ZNF804B: variants seen among roughly 807,000 people sequenced by gnomAD.
The protein encoded by ZNF804B is zinc finger protein 804B.
Under a neutral mutation model 101.4 loss-of-function variants are expected in ZNF804B, and 80 were observed. That is an observed-to-expected ratio of 0.79 (90% CI 0.66 to 0.95). The LOEUF is 0.95. Among genes scored for constraint, ZNF804B ranks in the 40% least tolerant of loss-of-function variants. The pLI is 0.00. For synonymous variants in ZNF804B, 622 were observed against 558.8 expected, an observed-to-expected ratio of 1.11 and a Z score of -1.59; for missense variants, 1,673 against 1,561.9, an observed-to-expected ratio of 1.07 and a Z score of -1.20.
At chr7:89,298,325 G>A (rs1790421994) in intron 2 of ZNF804B, among the ~76,000 whole-genome samples, 1 of 141,330 alleles carries the variant, frequency 7.1e-6, no homozygotes, top group Non-Finnish European at 1.5e-5. Context: ...GTGCCATGGT[G>A]GTTTGCTGCA....
intron 1 of ZNF804B, among the ~76,000 whole-genome samples, chr7:88,771,974 A>G (rs1223070885): frequency 6.6e-6 from 1 of 152,156 alleles, no homozygotes; most frequent in Non-Finnish European, 1.5e-5. Context: ...CTTTACTACA[A>G]AAGTTGTTAT....
chr7:89,184,174 T>C (rs901913905), intron 1 of ZNF804B, among the ~76,000 whole-genome samples: 10 of 152,180 alleles, frequency 6.6e-5, no homozygotes, highest in African/African-American at 2.4e-4. Flanking sequence ...TGGAGTACTA[T>C]GGACAAACTT....
intron 2 of ZNF804B, among the ~76,000 whole-genome samples, chr7:89,220,161 A>ATATC (rs1491393118): frequency 6.9e-5 from 5 of 72,682 alleles, no homozygotes; most frequent in South Asian, 3.6e-4. Flanking sequence ...ATATATATAT[A>ATATC]CGCACATATA....
At chr7:89,152,538 G>A (rs1031379019) in intron 1 of ZNF804B, among the ~76,000 whole-genome samples, 1 of 151,770 alleles carries the variant, frequency 6.6e-6, no homozygotes, top group African/African-American at 2.4e-5. Flanking sequence ...TGCAGAAAGA[G>A]GTGTCTAAAT....
chr7:89,057,033 T>C (rs1027070164), intron 1 of ZNF804B, among the ~76,000 whole-genome samples: 4 of 152,176 alleles, frequency 2.6e-5, no homozygotes, highest in African/African-American at 9.6e-5. Flanking sequence ...TGTATTTTCA[T>C]GCTGGTCCCA....
At chr7:89,088,648 C>G (rs919029809) in intron 1 of ZNF804B, among the ~76,000 whole-genome samples, 1 of 146,328 alleles carries the variant, frequency 6.8e-6, no homozygotes, top group African/African-American at 2.6e-5. Flanking sequence ...AGATAAGAGT[C>G]ACAGCTGCTG....
At chr7:89,262,929 C>G (rs548522271) in intron 2 of ZNF804B, among the ~76,000 whole-genome samples, 6 of 152,260 alleles carry the variant, frequency 3.9e-5, no homozygotes, top group African/African-American at 1.4e-4. Flanking sequence ...CTGTAAGTGT[C>G]TCTGTCATGG....
chr7:88,961,486 C>T (rs1793384944), intron 1 of ZNF804B, among the ~76,000 whole-genome samples: 1 of 151,450 alleles, frequency 6.6e-6, no homozygotes, highest in Non-Finnish European at 1.5e-5. Flanking sequence ...AGTATTTTTT[C>T]TGCATGACTA....
rs926100021 is a variant in ZNF804B at position 89,295,578 on chromosome 7, T to A, written c.250-31766T>A. Reference sequence around the variant, plus strand: ...ACTCTTTTGTGTTTGTTTTTCACAGTTATCAATAATTTATATTTTATAAAT... The same window carrying A: ...ACTCTTTTGTGTTTGTTTTTCACAGATATCAATAATTTATATTTTATAAAT... On this transcript the variant is annotated intron_variant, in intron 2 of 3. Transcript: ENST00000333190. Among the ~76,000 whole-genome samples the A allele has an allele frequency of 2.6e-5, 4 of 152,292 alleles. No individual in the cohort carries two copies. The East Asian group carries it at 7.7e-4, about 29-fold the overall frequency.
chr7:89,169,693 A>G (rs879733534), intron 1 of ZNF804B, among the ~76,000 whole-genome samples: 2 of 152,236 alleles, frequency 1.3e-5, no homozygotes, highest in African/African-American at 2.4e-5. Flanking sequence ...CCTAGTTTTC[A>G]TAGAAATAGC....
At chr7:89,047,043 C>A (rs905885945) in intron 1 of ZNF804B, among the ~76,000 whole-genome samples, 3 of 152,012 alleles carry the variant, frequency 2.0e-5, no homozygotes, top group Middle Eastern at 3.2e-3. Context: ...TCATAAATAG[C>A]TGAATTTATC....
At chr7:88,909,021 T>G (rs1246871244) in intron 1 of ZNF804B, among the ~76,000 whole-genome samples, 1 of 151,836 alleles carries the variant, frequency 6.6e-6, no homozygotes, top group Non-Finnish European at 1.5e-5. Flanking sequence ...CTGAAAAAGC[T>G]TACTACTTAC....
intron 2 of ZNF804B, among the ~76,000 whole-genome samples, chr7:89,274,304 T>TC (rs1300876557): frequency 0.029 from 2,011 of 70,090 alleles, 103 homozygotes; most frequent in African/African-American, 0.11. Flanking sequence ...GTGCTATCCC[T>TC]CCCCCCTCCC....
chr7:89,034,821 G>T (rs1420993327), intron 1 of ZNF804B, among the ~76,000 whole-genome samples: 1 of 152,122 alleles, frequency 6.6e-6, no homozygotes, highest in Non-Finnish European at 1.5e-5. Flanking sequence ...TTGAGGAATT[G>T]CCAGACTGTC....
intron 1 of ZNF804B, among the ~76,000 whole-genome samples, chr7:89,021,254 T>C (rs1788662583): frequency 6.6e-6 from 1 of 152,180 alleles, no homozygotes; most frequent in Admixed American, 6.6e-5. Flanking sequence ...TTCAAATGTC[T>C]CAGTGGCCTG....
At chr7:88,918,726 A>G (rs367634025) in intron 1 of ZNF804B, among the ~76,000 whole-genome samples, 1 of 152,106 alleles carries the variant, frequency 6.6e-6, no homozygotes, top group South Asian at 2.1e-4. Flanking sequence ...TTTCAGTTAA[A>G]TACTCCCTGG....
chr7:89,072,620 A>G (rs897788079), intron 1 of ZNF804B, among the ~76,000 whole-genome samples: 1 of 152,124 alleles, frequency 6.6e-6, no homozygotes, highest in African/African-American at 2.4e-5. Context: ...GTATGAATAA[A>G]TATTCTATGC....
intron 1 of ZNF804B, among the ~76,000 whole-genome samples, chr7:89,031,199 A>ATGTG (rs34754545): frequency 6.0e-5 from 9 of 149,646 alleles, no homozygotes; most frequent in Non-Finnish European, 8.9e-5. Context: ...ATATATATAT[A>ATGTG]TGTGTGTGTG....
chr7:89,131,726 T>G (rs1390040478), intron 1 of ZNF804B, among the ~76,000 whole-genome samples: 2 of 151,990 alleles, frequency 1.3e-5, no homozygotes, highest in South Asian at 2.1e-4. Flanking sequence ...TAAATAAAAA[T>G]AGACATAACT....
Sources: allele counts gnomAD v4.1 joint callset (sites outside exome capture counted in the v4.1 genomes callset), GRCh38; gene constraint gnomAD v4.1.1; transcripts MANE v1.5; gene names NCBI Gene and HGNC (gene_info 2026-07-23, HGNC 2026-07-21).